SHANK1: variants seen among roughly 807,000 people sequenced by gnomAD.
SHANK1 encodes SH3 and multiple ankyrin repeat domains 1.
SHANK1 carries 35 observed loss-of-function variants against 165.6 expected under a neutral mutation model. That is an observed-to-expected ratio of 0.21 (90% CI 0.16 to 0.28). SHANK1 has a LOEUF of 0.28. SHANK1 is among the 10% of genes least tolerant of loss of function. The pLI is 1.00. For missense variants in SHANK1, 2,681 were observed against 3,036.4 expected (o/e 0.88, Z 2.75); for synonymous variants, 1,428 against 1,384.8 (o/e 1.03, Z -0.69).
chr19:50,709,040 G>A (rs1444414940), intron 8 of SHANK1, among the ~76,000 whole-genome samples: 2 of 152,244 alleles, frequency 1.3e-5, no homozygotes, highest in African/African-American at 4.8e-5. Flanking sequence ...GGGGGAAATG[G>A]AGGAATCAAG....
At chr19:50,701,348 ATT>A (rs35759880) in intron 12 of SHANK1, among the ~76,000 whole-genome samples, 62 of 140,590 alleles carry the variant, frequency 4.4e-4, no homozygotes, top group Admixed American at 5.0e-4. Flanking sequence ...CACCTGGCTA[ATT>A]TTTTTTTTTT....
chr19:50,712,327 G>T (rs1042333436), intron 6 of SHANK1, among the ~76,000 whole-genome samples: 4 of 152,204 alleles, frequency 2.6e-5, no homozygotes, highest in Admixed American at 2.6e-4. Flanking sequence ...GTGGGACTTG[G>T]GTAGATGCCT....
chr19:50,711,878 C>A, intron 7 of SHANK1, 69 bp downstream of exon 7: 1 of 1,577,532 alleles, frequency 6.3e-7, no homozygotes, highest in Non-Finnish European at 8.7e-7. Context: ...GGTTCCCAGC[C>A]CCAGCCCCTT....
intron 19 of SHANK1, among the ~76,000 whole-genome samples, 157 bp downstream of exon 19, chr19:50,687,425 G>GAC (rs376832332): frequency 2.0e-5 from 3 of 151,916 alleles, no homozygotes; most frequent in East Asian, 3.9e-4. Flanking sequence ...CCTTCCCAGA[G>GAC]ACACACACAC....
At chr19:50,714,569 C>T (rs2089049008) in intron 4 of SHANK1, among the ~76,000 whole-genome samples, 1 of 151,800 alleles carries the variant, frequency 6.6e-6, no homozygotes, top group Non-Finnish European at 1.5e-5. Flanking sequence ...GTGGCACACG[C>T]CTGTAGTCCC....
Position 50,716,018 on chromosome 19 carries a change from C to T in SHANK1, c.459+257G>A, listed in dbSNP as rs1298143812. The stretch of plus-strand genomic sequence containing the variant: ...TAGAGTGCCTACTGTAATTGGGAAT[C>T]CTCCCCCAATTTGATGGGTGAGGAG... On this transcript the variant is annotated intron_variant, in intron 3 of 23. Transcript: ENST00000293441. This position sits in a 1 kb window ranked among gnomAD's most constrained non-coding sequence, Gnocchi z 8.4. 6.6e-6 allele frequency among the ~76,000 whole-genome samples: 1 copy of T among 152,134 alleles called. No individual in the cohort carries two copies. The highest frequency in any genetic ancestry group is 1.5e-5 in the Non-Finnish European group (1 of 68,026).
At chr19:50,681,767 AG>A (rs1479400448) in intron 21 of SHANK1, among the ~76,000 whole-genome samples, 107 of 152,234 alleles carry the variant, frequency 7.0e-4, no homozygotes, top group African/African-American at 2.4e-3. Flanking sequence ...ATTTTATTTC[AG>A]TGAATTAATT....
In SHANK1 at chr19:50,668,750, C is replaced by T. The variant is rs1345943093; in HGVS notation, c.3210G>A (p.Ala1070=). 6.3e-6 allele frequency: 8 copies of T among 1,274,950 alleles called. No homozygotes were observed. Among genetic ancestry groups the T allele is most frequent in the Middle Eastern group, 6.0e-4 (2 of 3,346 alleles). 79.0% of individuals were successfully genotyped at this position (1,274,950 alleles called of 1,614,324 possible). A position where few individuals can be genotyped will look rare whatever the true frequency, so the allele number is the denominator to read the frequency against. Residue 1070 remains alanine (A), a synonymous_variant, in exon 23 of 24, where the codon GCG becomes GCA. Coordinates refer to ENST00000293441, the MANE Select transcript of SHANK1 (RefSeq NM_016148.5). The part of the protein sequence containing the change: ...GAPSPSHHGS[A]GGGGGSSQGP... Reference sequence around the variant, plus strand: ...CCTGGGAGGAGCCGCCGCCCCCGCCCGCGCTGCCGTGGTGCGATGGGGACG... The same window carrying T: ...CCTGGGAGGAGCCGCCGCCCCCGCCTGCGCTGCCGTGGTGCGATGGGGACG...
At position 50,686,108 on chromosome 19, in the gene SHANK1, T is replaced by G; in HGVS notation, c.2577+129A>C. 2.1e-6 allele frequency: 1 copy of G among 477,678 alleles called. No homozygotes were observed. 29.6% of individuals were successfully genotyped at this position (477,678 alleles called of 1,614,324 possible). ...TGGGAGAAAGGAGGAAACCCTAGGA[T>G]GTGTGTCGCCCCTCCAGGACCAGCC... On this transcript the variant is annotated intron_variant, in intron 21 of 23. Coordinates refer to ENST00000293441, the MANE Select transcript of SHANK1 (RefSeq NM_016148.5). This position sits in a 1 kb window ranked among gnomAD's most constrained non-coding sequence, Gnocchi z 5.7.
rs1405049160 is a variant in SHANK1 at position 50,703,366 on chromosome 19, C to T, written c.1553+134G>A. 18 of 731,278 alleles carry T rather than the reference C, an allele frequency of 2.5e-5. No individual in the cohort carries two copies. In the East Asian group the frequency reaches 5.2e-4, roughly 21 times the overall value. 45.3% of individuals were successfully genotyped at this position (731,278 alleles called of 1,614,324 possible). On this transcript the variant is annotated intron_variant, in intron 11 of 23. Coordinates refer to ENST00000293441, the MANE Select transcript of SHANK1 (RefSeq NM_016148.5). ...CAGTAGCTCCCAAGGCCTTGCTTTA[C>T]CCCAAGGTGACACTAGGGACTTGGA... is the stretch of plus-strand genomic sequence containing the variant.
In SHANK1 at chr19:50,667,871, C is replaced by A. The variant is rs1230454179; in HGVS notation, c.4089G>T (p.Ala1363=). Residue 1363 remains alanine (A), a synonymous_variant, in exon 23 of 24, where the codon GCG becomes GCT. Coordinates refer to ENST00000293441, the MANE Select transcript of SHANK1 (RefSeq NM_016148.5). This position sits in a 1 kb window ranked among gnomAD's most constrained non-coding sequence, Gnocchi z 5.7. The part of the protein sequence containing the change: ...LGLALAARER[A]LKESSEGGGA... Reference sequence around the variant, plus strand: ...CGCCGCCCTCCGAGGACTCCTTCAGCGCTCGCTCGCGGGCGGCCAGGGCCA... The same window carrying A: ...CGCCGCCCTCCGAGGACTCCTTCAGAGCTCGCTCGCGGGCGGCCAGGGCCA... 10 of 1,316,058 alleles carry A rather than the reference C, an allele frequency of 7.6e-6. No individual in the cohort carries two copies. The highest frequency in any genetic ancestry group is 8.7e-6 in the Non-Finnish European group (9 of 1,036,746). The allele number at this position is 1,316,058 out of a possible 1,614,324, so 81.5% of individuals were successfully genotyped here. A position where few individuals can be genotyped will look rare whatever the true frequency, so the allele number is the denominator to read the frequency against.
rs748941584 is a variant in SHANK1, at chr19:50,688,052, C to T, written c.2179G>A (p.Gly727Arg). The T allele has an allele frequency of 9.9e-6, 16 of 1,613,902 alleles. No individual in the cohort carries two copies. Among genetic ancestry groups the T allele is most frequent in the Admixed American group, 1.7e-5 (1 of 60,000 alleles). The change falls in exon 18 of 24, where the codon GGG (glycine) becomes AGG (arginine). Residue 727 changes from glycine (G) to arginine (R), a missense_variant. This residue lies in a region of SHANK1 where 147 missense variants were observed against 256.5 expected (regional missense o/e 0.57). Transcript: ENST00000293441. The surrounding 1 kb of genome is among the most constrained non-coding windows in gnomAD (Gnocchi z 6.7). ...RMGDFLIEVN[G>R]QNVVKVGHRQ... is the part of the protein sequence containing the mutation. The stretch of plus-strand genomic sequence containing the variant: ...TGGCCGACCTTCACCACATTCTGCC[C>T]GTTCACCTGTGGCACAGACACCCCC...
At chr19:50,704,233 C>G (rs1555745413) in intron 9 of SHANK1, 47 bp from the exon 10 acceptor site, 1 of 1,579,468 alleles carries the variant, frequency 6.3e-7, no homozygotes, top group Non-Finnish European at 8.7e-7. Flanking sequence ...GCCCAGGCAG[C>G]AGAGAGAGGG....
chr19:50,709,198 GCA>G lies in SHANK1; in HGVS notation c.1077+2171_1077+2172del, dbSNP rs1420806232. 5.3e-5 allele frequency among the ~76,000 whole-genome samples: 8 copies of G among 152,326 alleles called. No individual in the cohort carries two copies. In the East Asian group the frequency reaches 1.5e-3, roughly 29 times the overall value. ...CTATCACCCAGGCTGGAGTGCAGTG[GCA>G]TGATCTTGGCTCACTGCAAACTCCG... On this transcript the variant is annotated intron_variant, in intron 8 of 23. Coordinates refer to ENST00000293441, the MANE Select transcript of SHANK1 (RefSeq NM_016148.5).
chr19:50,666,545 T>C lies in SHANK1; in HGVS notation c.5415A>G (p.Gly1805=). ...DGLLALRACS[G]PPTAGVAGGP... ...CCCCCGCCACGCCTGCCGTGGGGGG[T>C]CCTGAACAAGCACGCAGGGCCAGCA... Residue 1805 remains glycine (G), a synonymous_variant, in exon 23 of 24, where the codon GGA becomes GGG. Transcript: ENST00000293441. 1.3e-6 allele frequency: 2 copies of C among 1,595,674 alleles called. No homozygotes were observed. The highest frequency in any genetic ancestry group is 1.7e-6 in the Non-Finnish European group (2 of 1,173,802).
Position 50,688,856 on chromosome 19 carries a change from G to T in SHANK1, c.2160C>A (p.Asp720Glu). ...GGCCTGGACTGACCTCGATGAGGAA[G>T]TCTCCCATTCGCAGTCCAGCTCGCC... ...VAWRAGLRMG[D>E]FLIEVNGQNV... is the part of the protein sequence containing the mutation. The change falls in exon 17 of 24, where the codon GAC (aspartate) becomes GAA (glutamate). Residue 720 changes from aspartate to glutamate, a missense_variant. This residue lies in a region of SHANK1 where 147 missense variants were observed against 256.5 expected (regional missense o/e 0.57). Transcript: ENST00000293441. This position sits in a 1 kb window ranked among gnomAD's most constrained non-coding sequence, Gnocchi z 6.7. 1 of 1,605,438 alleles carries T rather than the reference G, an allele frequency of 6.2e-7. No individual in the cohort carries two copies. Among genetic ancestry groups the T allele is most frequent in the Non-Finnish European group, 8.5e-7 (1 of 1,176,048 alleles).
chr19:50,691,864 G>T (rs1986548630), intron 15 of SHANK1, among the ~76,000 whole-genome samples: 2 of 147,996 alleles, frequency 1.4e-5, no homozygotes, highest in Non-Finnish European at 3.0e-5. Context: ...CTTTTTTTTT[G>T]GTAGAGATGG....
chr19:50,666,433 C>T lies in SHANK1; in HGVS notation c.5527G>A (p.Gly1843Ser). ...LPRKLLPWEE[G>S]PGPPPPPLPG... ...AGAGGTGGTGGCGGTGGGCCCGGGCCCTCCTCCCAGGGCAGCAGCTTCCGG... is the reference window on the plus strand; with the variant it reads ...AGAGGTGGTGGCGGTGGGCCCGGGCTCTCCTCCCAGGGCAGCAGCTTCCGG... Residue 1843 changes from glycine to serine, a missense_variant, in exon 23 of 24, where the codon GGC (glycine) becomes AGC (serine). By Grantham distance (56) the Gly-to-Ser change is moderately conservative. Coordinates refer to ENST00000293441, the MANE Select transcript of SHANK1 (RefSeq NM_016148.5). 5.0e-6 allele frequency: 8 copies of T among 1,610,432 alleles called. No individual in the cohort carries two copies. The highest frequency in any genetic ancestry group is 6.8e-6 in the Non-Finnish European group (8 of 1,178,984).
intron 21 of SHANK1, among the ~76,000 whole-genome samples, chr19:50,673,516 C>A (rs930997332): frequency 6.6e-6 from 1 of 152,114 alleles, no homozygotes; most frequent in Non-Finnish European, 1.5e-5. Context: ...CTCGGCGAGA[C>A]CTTCCCCGGC....
Sources: gnomAD v4.1 joint callset for allele counts (sites outside exome capture counted in the v4.1 genomes callset) on GRCh38, gnomAD v4.1.1 for gene constraint, gnomAD v4.1.1 regional missense constraint, Gnocchi (gnomAD v3.1) non-coding constraint, MANE v1.5 for transcripts, NCBI Gene and HGNC (gene_info 2026-07-23, HGNC 2026-07-21) for gene names.